Variants in CFTR observed in about 807,000 individuals in gnomAD.
The protein encoded by CFTR is CF transmembrane conductance regulator.
Under a neutral mutation model 171.6 loss-of-function variants are expected in CFTR, and 181 were observed. The observed-to-expected ratio is 1.05, with a 90% CI of 0.93 to 1.19. The LOEUF (loss-of-function observed/expected upper bound fraction) is 1.19. Among genes scored for constraint, CFTR ranks in the 50% most tolerant of loss-of-function variants. The probability of loss-of-function intolerance (pLI) is 0.00; values close to 1 mark genes in which losing one functional copy is unlikely to be tolerated. For synonymous variants in CFTR, 583 were observed against 608.0 expected (o/e 0.96, Z 0.60); for missense variants, 1,968 against 1,734.7 (o/e 1.13, Z -2.39).
At chr7:117,526,091 C>A (rs1172870904) in intron 3 of CFTR, among the ~76,000 whole-genome samples, 1 of 151,308 alleles carries the variant, frequency 6.6e-6, no homozygotes, top group African/African-American at 2.4e-5. Context: ...GTGACAAAAT[C>A]TCTCAGCATT....
chr7:117,594,575 A>G (rs1792091061), intron 14 of CFTR, among the ~76,000 whole-genome samples: 1 of 152,170 alleles, frequency 6.6e-6, no homozygotes, highest in Non-Finnish European at 1.5e-5. Flanking sequence ...AATCAAAGAG[A>G]GTTCTGGGAA....
chr7:117,628,363 A>C (rs1792688305), intron 22 of CFTR, among the ~76,000 whole-genome samples: 1 of 152,162 alleles, frequency 6.6e-6, no homozygotes, highest in Non-Finnish European at 1.5e-5. Flanking sequence ...GATTTCTGGA[A>C]TTGATTCTTG....
intron 3 of CFTR, among the ~76,000 whole-genome samples, chr7:117,512,521 C>G (rs910708469): frequency 6.6e-6 from 1 of 150,734 alleles, no homozygotes; most frequent in African/African-American, 2.4e-5. Context: ...GTGGTCCCAG[C>G]TACTTGGGAG....
chr7:117,552,483 A>T (rs1799288775), intron 10 of CFTR, among the ~76,000 whole-genome samples: 1 of 152,170 alleles, frequency 6.6e-6, no homozygotes, highest in African/African-American at 2.4e-5. Flanking sequence ...CAAACATCAA[A>T]AAGATATCTG....
chr7:117,562,429 T>G (rs1273811845), intron 11 of CFTR, among the ~76,000 whole-genome samples: 1 of 152,098 alleles, frequency 6.6e-6, no homozygotes, highest in Admixed American at 6.6e-5. Flanking sequence ...ATACGGTAGT[T>G]CTGTGTGACA....
rs182187200 is a variant in CFTR, at chr7:117,620,323, T to C, written c.3468+5610T>C. 1.5e-4 allele frequency among the ~76,000 whole-genome samples: 23 copies of C among 152,328 alleles called. No individual in the cohort carries two copies. The East Asian group carries it at 4.1e-3, about 27-fold the overall frequency. ...GGTCTTATTTTTCTCATTTGTAAAA[T>C]GAAACAGTTTGATGAGAAGTTTTCT... On this transcript the variant is annotated intron_variant, in intron 21 of 26. Coordinates refer to ENST00000003084, the MANE Select transcript of CFTR (RefSeq NM_000492.4).
intron 21 of CFTR, among the ~76,000 whole-genome samples, chr7:117,621,664 G>C (rs903043347): frequency 3.9e-5 from 6 of 152,298 alleles, no homozygotes; most frequent in African/African-American, 1.4e-4. Context: ...AAGATGCTTA[G>C]AGAAAAATCA....
intron 26 of CFTR, among the ~76,000 whole-genome samples, chr7:117,665,820 C>T (rs556900712): frequency 6.6e-6 from 1 of 152,230 alleles, no homozygotes; most frequent in African/African-American, 2.4e-5. Context: ...GATATATATA[C>T]TTTTTGAGCC....
chr7:117,652,813 C>G (rs1562925992), intron 23 of CFTR, 29 bp from the exon 24 acceptor site: 1 of 1,093,328 alleles, frequency 9.1e-7, no homozygotes, highest in Non-Finnish European at 1.4e-6. Context: ...GTTATTCATA[C>G]TTTCTTCTTC....
intron 10 of CFTR, among the ~76,000 whole-genome samples, chr7:117,554,224 T>C (rs564216160): frequency 1.9e-4 from 29 of 152,192 alleles, no homozygotes; most frequent in South Asian, 4.2e-4. Flanking sequence ...TTCAGGCAAG[T>C]GATGATGGTG....
chr7:117,535,166 T>G, intron 5 of CFTR, 82 bp from the exon 6 acceptor site: 1 of 1,452,930 alleles, frequency 6.9e-7, no homozygotes, highest in Non-Finnish European at 9.7e-7. Flanking sequence ...TCCTTTTACT[T>G]GCTTTCTTTC....
intron 24 of CFTR, among the ~76,000 whole-genome samples, chr7:117,661,462 T>C (rs139846950): frequency 0.016 from 2,375 of 152,308 alleles, 54 homozygotes; most frequent in Non-Finnish European, 0.016. Context: ...GACAGTCAAA[T>C]AGCTTTCCTA....
intron 11 of CFTR, among the ~76,000 whole-genome samples, chr7:117,574,141 C>T (rs570965903): frequency 2.6e-5 from 4 of 151,922 alleles, no homozygotes; most frequent in Non-Finnish European, 5.9e-5. Flanking sequence ...CAGATTTGAG[C>T]GCTCTTAGTA....
intron 1 of CFTR, among the ~76,000 whole-genome samples, chr7:117,481,894 G>T (rs575462492): frequency 6.6e-6 from 1 of 152,310 alleles, no homozygotes; most frequent in Admixed American, 6.5e-5. Flanking sequence ...CTGTTTAGTA[G>T]CTCTGTTGCC....
chr7:117,519,147 T>G (rs183713022), intron 3 of CFTR, among the ~76,000 whole-genome samples: 29 of 152,252 alleles, frequency 1.9e-4, no homozygotes, highest in African/African-American at 5.3e-4. Flanking sequence ...AAAGGTAGAT[T>G]TTTTTCTGAG....
At chr7:117,508,999 G>A (rs754602635) in intron 2 of CFTR, 35 bp from the exon 3 acceptor site, 2 of 1,257,422 alleles carry the variant, frequency 1.6e-6, no homozygotes, top group East Asian at 2.3e-5. Context: ...ATTTGCACAT[G>A]CAACTTATTG....
rs1390016549 is a variant in CFTR, at chr7:117,536,582, G to A, written c.778G>A (p.Val260Met). ...AGCTGGGAAGATCAGTGAAAGACTT[G>A]TGATTACCTCAGAAATGATTGAAAA... ...QRAGKISERL[V>M]ITSEMIENIQ... is the part of the protein sequence containing the mutation. The change falls in exon 7 of 27, where the codon GTG becomes ATG. Residue 260 changes from valine (V) to methionine (M), a missense_variant. Val to Met is a conservative substitution (Grantham distance 21). Coordinates refer to ENST00000003084, the MANE Select transcript of CFTR (RefSeq NM_000492.4). 1 of 1,604,602 alleles carries A rather than the reference G, an allele frequency of 6.2e-7. No individual in the cohort carries two copies. The highest frequency in any genetic ancestry group is 1.7e-5 in the Admixed American group (1 of 59,316).
chr7:117,633,507 T>C (rs1792782269), intron 22 of CFTR, among the ~76,000 whole-genome samples: 1 of 152,112 alleles, frequency 6.6e-6, no homozygotes, highest in Non-Finnish European at 1.5e-5. Context: ...TTTTCTTATT[T>C]CATTAGCTAG....
chr7:117,621,784 T>G (rs1170178802), intron 21 of CFTR, among the ~76,000 whole-genome samples: 1 of 152,226 alleles, frequency 6.6e-6, no homozygotes, highest in Non-Finnish European at 1.5e-5. Flanking sequence ...GATCCAATTG[T>G]ATTCACCAAG....
Sources: allele counts gnomAD v4.1 joint callset (sites outside exome capture counted in the v4.1 genomes callset), GRCh38; gene constraint gnomAD v4.1.1; transcripts MANE v1.5; gene names NCBI Gene and HGNC (gene_info 2026-07-23, HGNC 2026-07-21).